KLRG2: variants seen among roughly 807,000 people sequenced by gnomAD.
KLRG2 encodes the protein killer cell lectin like receptor G2.
A neutral mutation model predicts 35.4 loss-of-function variants in KLRG2; 39 were observed. That is an observed-to-expected ratio of 1.10 (90% CI 0.85 to 1.44). The LOEUF (loss-of-function observed/expected upper bound fraction) is 1.44. Among genes scored for constraint, KLRG2 ranks in the 40% most tolerant of loss-of-function variants. KLRG2 has a pLI of 0.00. For missense variants in KLRG2, 632 were observed against 570.9 expected (o/e 1.11, Z -1.09); for synonymous variants, 283 against 265.8 (o/e 1.06, Z -0.63).
the KLRG2 span, among the ~76,000 whole-genome samples, chr7:139,437,579 C>A: frequency 6.6e-6 from 1 of 152,146 alleles, no homozygotes; most frequent in South Asian, 2.1e-4. Flanking sequence ...GCCTCAGCTT[C>A]CTGAGTAGCT....
At chr7:139,467,836 G>T (rs1265999921) in intron 3 of KLRG2, among the ~76,000 whole-genome samples, 1 of 152,148 alleles carries the variant, frequency 6.6e-6, no homozygotes, top group Non-Finnish European at 1.5e-5. Context: ...AAGGGTCTGT[G>T]CTGAGGAGCA....
the KLRG2 span, among the ~76,000 whole-genome samples, chr7:139,428,957 A>C: frequency 6.6e-6 from 1 of 152,208 alleles, no homozygotes; most frequent in Non-Finnish European, 1.5e-5. Flanking sequence ...CTGGTTTTTC[A>C]ACTTTTGTGT....
chr7:139,460,812 A>G (rs1358040388), intron 3 of KLRG2, among the ~76,000 whole-genome samples: 1 of 152,052 alleles, frequency 6.6e-6, no homozygotes, highest in Non-Finnish European at 1.5e-5. Context: ...TACAAAAATT[A>G]GCTGCATGTG....
the KLRG2 span, among the ~76,000 whole-genome samples, chr7:139,437,420 A>G: frequency 1.8e-4 from 20 of 108,970 alleles, no homozygotes; most frequent in African/African-American, 8.3e-4. Flanking sequence ...GGGAGACTCC[A>G]TCTCCAAAAA....
At chr7:139,451,895 G>A (rs1796381986), downstream of KLRG2, among the ~76,000 whole-genome samples, 1 of 151,924 alleles carries the variant, frequency 6.6e-6, no homozygotes, top group Non-Finnish European at 1.5e-5. Flanking sequence ...TGCCCACATA[G>A]GATGTATTTT....
chr7:139,458,564 TC>T lies in KLRG2; in HGVS notation c.1006-4351del, dbSNP rs373119668. ...GCTGTCCTCATTAAACAACTCCCCATCCCCCGCTGCACTGGCAACAGCCATT... is the reference window on the plus strand; with the variant it reads ...GCTGTCCTCATTAAACAACTCCCCATCCCCGCTGCACTGGCAACAGCCATT... On this transcript the variant is annotated intron_variant, in intron 3 of 4. Transcript: ENST00000340940. Among the ~76,000 whole-genome samples the T allele has an allele frequency of 8.8e-3, 1,341 of 152,184 alleles. 25 individuals carry two copies. Among genetic ancestry groups the T allele is most frequent in the African/African-American group, 0.03 (1,252 of 41,510 alleles).
At chr7:139,429,912 C>T in the KLRG2 span, among the ~76,000 whole-genome samples, 881 of 152,224 alleles carry the variant, frequency 5.8e-3, 6 homozygotes, top group African/African-American at 0.02. Context: ...GGGTGGCGGC[C>T]GGGCAGAGGC....
intron 1 of KLRG2, among the ~76,000 whole-genome samples, chr7:139,482,415 G>A (rs931742792): frequency 6.6e-6 from 1 of 151,498 alleles, no homozygotes; most frequent in African/African-American, 2.4e-5. Context: ...TTTTTGAGAC[G>A]GAGTTTCTCT....
At position 139,470,144 on chromosome 7, in the gene KLRG2, AC is replaced by A. The variant is rs1348655943; in HGVS notation, c.1005+9482del. Among the ~76,000 whole-genome samples, 12 of 148,014 alleles carry A rather than the reference AC, an allele frequency of 8.1e-5. No homozygotes were observed. In the Admixed American group the frequency reaches 8.2e-4, roughly 10 times the overall value. On this transcript the variant is annotated intron_variant, in intron 3 of 4. Transcript: ENST00000340940. ...GTGATCTTGGCTCACTGCAACCTCC[AC>A]CTCCCAGATTTAAGCGATTCTCCTG... is the stretch of plus-strand genomic sequence containing the variant.
chr7:139,469,202 C>T (rs188080788), intron 3 of KLRG2, among the ~76,000 whole-genome samples: 1 of 152,354 alleles, frequency 6.6e-6, no homozygotes, highest in African/African-American at 2.4e-5. Flanking sequence ...CGCTGTCACC[C>T]AGGCTGGAGT....
At chr7:139,434,127 C>G in the KLRG2 span, among the ~76,000 whole-genome samples, 1 of 152,150 alleles carries the variant, frequency 6.6e-6, no homozygotes, top group African/African-American at 2.4e-5. Flanking sequence ...CTCAGACTGC[C>G]AGGTTAATTT....
At chr7:139,479,520 AT>A in intron 3 of KLRG2, 106 bp downstream of exon 3, 1 of 1,173,582 alleles carries the variant, frequency 8.5e-7, no homozygotes, top group Non-Finnish European at 1.2e-6. Flanking sequence ...CACCTTGGTG[AT>A]TTCTATAATG....
chr7:139,445,781 G>GTATATATATATATATATATGTATATATA, the KLRG2 span, among the ~76,000 whole-genome samples: 1 of 98,506 alleles, frequency 1.0e-5, no homozygotes, highest in South Asian at 2.7e-4. Context: ...ATATATATAT[G>GTATATATATATATATATATGTATATATA]TATATATATA....
the KLRG2 span, among the ~76,000 whole-genome samples, chr7:139,432,233 G>A: frequency 1.3e-5 from 2 of 152,076 alleles, no homozygotes; most frequent in East Asian, 1.9e-4. Context: ...GCCTGTGCCC[G>A]TACTCCCAGC....
At chr7:139,432,391 C>T in the KLRG2 span, among the ~76,000 whole-genome samples, 2 of 152,126 alleles carry the variant, frequency 1.3e-5, no homozygotes, top group Non-Finnish European at 2.9e-5. Context: ...TGCCTACAGC[C>T]TAGTCTCGCT....
intron 3 of KLRG2, among the ~76,000 whole-genome samples, chr7:139,475,324 G>A (rs1184674855): frequency 1.3e-4 from 20 of 152,132 alleles, no homozygotes; most frequent in Admixed American, 1.2e-3. Flanking sequence ...GAGGTCAGGA[G>A]ATCGAGACCA....
At chr7:139,432,499 A>G in the KLRG2 span, among the ~76,000 whole-genome samples, 2 of 150,774 alleles carry the variant, frequency 1.3e-5, no homozygotes, top group South Asian at 4.2e-4. Flanking sequence ...GGGTTTTTAT[A>G]TATGTATGGT....
At chr7:139,452,414 C>T (rs183915551), downstream of KLRG2, among the ~76,000 whole-genome samples, 2 of 152,146 alleles carry the variant, frequency 1.3e-5, no homozygotes, top group Admixed American at 6.5e-5. Flanking sequence ...CAAACCTGCA[C>T]GTTCTGCACA....
At chr7:139,458,902 T>G (rs1796522630) in intron 3 of KLRG2, among the ~76,000 whole-genome samples, 1 of 152,240 alleles carries the variant, frequency 6.6e-6, no homozygotes, top group South Asian at 2.1e-4. Flanking sequence ...CTGGGGTTTG[T>G]GCGCGCTGCT....
Sources: gnomAD v4.1 joint callset for allele counts (sites outside exome capture counted in the v4.1 genomes callset) on GRCh38, gnomAD v4.1.1 for gene constraint, MANE v1.5 for transcripts, NCBI Gene and HGNC (gene_info 2026-07-23, HGNC 2026-07-21) for gene names.